GRK5: variants seen among roughly 807,000 people sequenced by gnomAD.
GRK5 encodes G protein-coupled receptor kinase 5, also known as g protein-coupled receptor kinase GRK5.
A neutral mutation model predicts 78.4 loss-of-function variants in GRK5; 40 were observed. The observed-to-expected ratio is 0.51, with a 90% CI of 0.40 to 0.66. GRK5 has a LOEUF of 0.66. Among genes scored for constraint, GRK5 ranks in the 30% least tolerant of loss-of-function variants. The pLI is 0.00. For synonymous variants in GRK5, 289 were observed against 296.8 expected, an observed-to-expected ratio of 0.97 and a Z score of 0.27; for missense variants, 598 against 759.9, an observed-to-expected ratio of 0.79 and a Z score of 2.50.
At chr10:119,283,269 G>A (rs145075789) in intron 1 of GRK5, among the ~76,000 whole-genome samples, 157 of 152,200 alleles carry the variant, frequency 1.0e-3, no homozygotes, top group African/African-American at 3.6e-3. Context: ...GCTCAGTCTG[G>A]GTGGACCTGT....
At chr10:119,256,680 T>C (rs1329137194) in intron 1 of GRK5, among the ~76,000 whole-genome samples, 11 of 151,690 alleles carry the variant, frequency 7.3e-5, no homozygotes. Flanking sequence ...CGTGACTGTG[T>C]CTCTGGTAAT....
At chr10:119,211,236 AAAAG>A (rs931886212) in intron 1 of GRK5, among the ~76,000 whole-genome samples, 5 of 152,322 alleles carry the variant, frequency 3.3e-5, no homozygotes, top group African/African-American at 9.6e-5. Flanking sequence ...CTTAAGGAAA[AAAAG>A]AAAGAAGTTG....
intron 1 of GRK5, among the ~76,000 whole-genome samples, chr10:119,310,801 G>A (rs563458954): frequency 3.3e-4 from 51 of 152,308 alleles, no homozygotes; most frequent in African/African-American, 1.0e-3. Context: ...TTTTCGAATC[G>A]ACCCTTATAA....
chr10:119,262,194 G>T (rs963834454), intron 1 of GRK5, among the ~76,000 whole-genome samples: 1 of 152,038 alleles, frequency 6.6e-6, no homozygotes, highest in African/African-American at 2.4e-5. Context: ...CCAGGAAATA[G>T]GTCTGAAGTA....
At chr10:119,313,051 TA>T (rs1366821336) in intron 1 of GRK5, among the ~76,000 whole-genome samples, 4 of 149,532 alleles carry the variant, frequency 2.7e-5, no homozygotes, top group South Asian at 2.1e-4. Context: ...GTGGTGGTGG[TA>T]ATGATGATGG....
At chr10:119,353,879 A>G (rs1270714295) in intron 2 of GRK5, among the ~76,000 whole-genome samples, 2 of 149,434 alleles carry the variant, frequency 1.3e-5, no homozygotes, top group Non-Finnish European at 3.0e-5. Context: ...TACCCAGTAT[A>G]TGAGGGAAAC....
At chr10:119,347,241 G>A (rs1248771356) in intron 2 of GRK5, among the ~76,000 whole-genome samples, 1 of 152,132 alleles carries the variant, frequency 6.6e-6, no homozygotes, top group African/African-American at 2.4e-5. Flanking sequence ...CAGTGTGTGT[G>A]TGTGCACATG....
chr10:119,301,706 C>A (rs1373201242), intron 1 of GRK5, among the ~76,000 whole-genome samples: 1 of 152,232 alleles, frequency 6.6e-6, no homozygotes, highest in Non-Finnish European at 1.5e-5. Flanking sequence ...ACCACGCCTC[C>A]TTACCAGTCA....
At chr10:119,436,551 T>G in intron 8 of GRK5, 100 bp from the exon 9 acceptor site, 1 of 1,200,988 alleles carries the variant, frequency 8.3e-7, no homozygotes, top group Non-Finnish European at 1.2e-6. Flanking sequence ...GTGAGGCTCC[T>G]CTGTTCCCTC....
chr10:119,453,482 C>A (rs7094661), intron 15 of GRK5, among the ~76,000 whole-genome samples: 10,666 of 152,224 alleles, frequency 0.07, 1,005 homozygotes, highest in African/African-American at 0.21. Context: ...GCAGGGCCAG[C>A]CCAAATTCAC....
chr10:119,369,316 T>G (rs1589768727), intron 2 of GRK5, among the ~76,000 whole-genome samples: 1 of 152,010 alleles, frequency 6.6e-6, no homozygotes, highest in Non-Finnish European at 1.5e-5. Flanking sequence ...GGAGCACAGG[T>G]GAGGAAAGGC....
intron 2 of GRK5, among the ~76,000 whole-genome samples, chr10:119,335,176 C>CTCTCTCTCTCTCTCTCTCT (rs1850858276): frequency 8.2e-6 from 1 of 121,464 alleles, no homozygotes; most frequent in Non-Finnish European, 1.7e-5. Flanking sequence ...CTCTCTCTCT[C>CTCTCTCTCTCTCTCTCTCT]CCCCTCTCCC....
chr10:119,290,894 T>C (rs992236351), intron 1 of GRK5, among the ~76,000 whole-genome samples: 3 of 152,104 alleles, frequency 2.0e-5, no homozygotes, highest in Admixed American at 6.5e-5. Flanking sequence ...CTTTCCATCC[T>C]TGTGTTCCTG....
chr10:119,240,483 G>A (rs559584074), intron 1 of GRK5, among the ~76,000 whole-genome samples: 1 of 152,016 alleles, frequency 6.6e-6, no homozygotes, highest in Admixed American at 6.5e-5. Flanking sequence ...TTACAGGCAT[G>A]AGCCACCACG....
At chr10:119,300,516 A>G (rs1850159380) in intron 1 of GRK5, among the ~76,000 whole-genome samples, 1 of 152,200 alleles carries the variant, frequency 6.6e-6, no homozygotes, top group African/African-American at 2.4e-5. Context: ...TCAATGTGCC[A>G]TTGGGAAAGG....
chr10:119,448,154 G>A lies in GRK5; in HGVS notation c.1298G>A (p.Gly433Asp), dbSNP rs1209691928. The change falls in exon 13 of 16, where the codon GGC (glycine) becomes GAC (aspartate). Residue 433 changes from glycine to aspartate, a missense_variant. By Grantham distance (94) the Gly-to-Asp change is moderately conservative. Coordinates refer to ENST00000392870, the MANE Select transcript of GRK5 (RefSeq NM_005308.3). ...ACGAAAGATGCGAAGCAGAGGCTGG[G>A]CTGCCAGGAGGAGGGGGCTGCAGAG... ...LLTKDAKQRLGCQEEGAAEVK... is the reference protein window; with the variant it reads ...LLTKDAKQRLDCQEEGAAEVK... 2 of 1,564,712 alleles carry A rather than the reference G, an allele frequency of 1.3e-6. No homozygotes were observed. Among genetic ancestry groups the A allele is most frequent in the South Asian group, 1.2e-5 (1 of 83,698 alleles).
intron 2 of GRK5, among the ~76,000 whole-genome samples, chr10:119,372,105 T>C (rs773994987): frequency 6.6e-6 from 1 of 152,244 alleles, no homozygotes; most frequent in Admixed American, 6.5e-5. Flanking sequence ...TAACACAAAA[T>C]GTCTACAGAC....
At chr10:119,309,266 G>A (rs951416927) in intron 1 of GRK5, among the ~76,000 whole-genome samples, 4 of 152,230 alleles carry the variant, frequency 2.6e-5, no homozygotes, top group Admixed American at 6.5e-5. Flanking sequence ...GGTCAGTGCC[G>A]CCCACGAGCC....
chr10:119,419,583 C>T (rs1176434151), intron 4 of GRK5, among the ~76,000 whole-genome samples: 1 of 152,218 alleles, frequency 6.6e-6, no homozygotes, highest in Non-Finnish European at 1.5e-5. Context: ...CATTATTACC[C>T]ACTCATTAAC....
Sources: allele counts gnomAD v4.1 joint callset (sites outside exome capture counted in the v4.1 genomes callset), GRCh38; gene constraint gnomAD v4.1.1; transcripts MANE v1.5; gene names NCBI Gene and HGNC (gene_info 2026-07-23, HGNC 2026-07-21).